Variants in CFAP43 observed in about 807,000 individuals in gnomAD.
CFAP43 encodes the protein cilia and flagella associated protein 43.
Under a neutral mutation model 218.9 loss-of-function variants are expected in CFAP43, and 155 were observed. The ratio of observed to expected loss-of-function variants is 0.71; its 90% CI spans 0.62 to 0.81. The LOEUF (loss-of-function observed/expected upper bound fraction) is 0.81, where lower values mean the gene tolerates loss of function less well. Ranked by LOEUF, CFAP43 falls within the 30% of genes least tolerant of loss-of-function variation. The pLI is 0.00. For missense variants in CFAP43, 1,778 were observed against 1,954.3 expected, an observed-to-expected ratio of 0.91 and a Z score of 1.70; for synonymous variants, 645 against 681.3, an observed-to-expected ratio of 0.95 and a Z score of 0.83.
chr10:104,191,012 A>T (rs2090192919), intron 12 of CFAP43, among the ~76,000 whole-genome samples: 1 of 152,226 alleles, frequency 6.6e-6, no homozygotes, highest in Non-Finnish European at 1.5e-5. Context: ...ACTGGCTACC[A>T]CATAGTCAGG....
chr10:104,199,617 G>A (rs1016028011), intron 8 of CFAP43, among the ~76,000 whole-genome samples: 1 of 149,080 alleles, frequency 6.7e-6, no homozygotes, highest in African/African-American at 2.5e-5. Flanking sequence ...AGAAGAAAAA[G>A]AAAATATAAC....
chr10:104,156,685 C>T (rs950891555), intron 27 of CFAP43, among the ~76,000 whole-genome samples: 1 of 152,066 alleles, frequency 6.6e-6, no homozygotes, highest in Admixed American at 6.6e-5. Flanking sequence ...CAGGGTGGCT[C>T]GGATGCCACA....
At chr10:104,214,593 T>C (rs2090962915) in intron 3 of CFAP43, among the ~76,000 whole-genome samples, 167 bp from the exon 4 acceptor site, 1 of 152,250 alleles carries the variant, frequency 6.6e-6, no homozygotes, top group African/African-American at 2.4e-5. Flanking sequence ...TATCATTGTA[T>C]TGTATCCTAA....
At chr10:104,221,141 ATTTTTGTATT>A (rs1337862410) in intron 3 of CFAP43, among the ~76,000 whole-genome samples, 1 of 151,984 alleles carries the variant, frequency 6.6e-6, no homozygotes, top group East Asian at 1.9e-4. Flanking sequence ...ACTCTGGCTA[ATTTTTGTATT>A]TTTAGTAGAG....
At position 104,225,477 on chromosome 10, in the gene CFAP43, A is replaced by G; in HGVS notation, c.400T>C (p.Phe134Leu). The G allele has an allele frequency of 6.2e-7, 1 of 1,611,900 alleles. No homozygotes were observed. Among genetic ancestry groups the G allele is most frequent in the Non-Finnish European group, 8.5e-7 (1 of 1,178,694 alleles). ...YLASYSSLPE[F>L]ELALWNWESS... ...GAAACTTACCAAAGGGCCAGTTCAA[A>G]TTCTGGGAGAGAGGAGTAACTAGCC... The change falls in exon 3 of 38, where the codon TTT becomes CTT. Residue 134 changes from phenylalanine to leucine, a missense_variant. This residue lies in a region of CFAP43 where 1,553 missense variants were observed against 1,685.2 expected (regional missense o/e 0.92). Transcript: ENST00000357060.
At chr10:104,178,047 T>C (rs2134865191) in intron 19 of CFAP43, among the ~76,000 whole-genome samples, 1 of 152,296 alleles carries the variant, frequency 6.6e-6, no homozygotes, top group East Asian at 1.9e-4. Flanking sequence ...TTATAAAGGA[T>C]GTTCCCAAGC....
chr10:104,203,607 G>C, intron 8 of CFAP43, 65 bp downstream of exon 8: 1 of 1,463,868 alleles, frequency 6.8e-7, no homozygotes. Context: ...CCTCATTCCT[G>C]TCATGTAATG....
intron 32 of CFAP43, 64 bp downstream of exon 32, chr10:104,143,362 C>T: frequency 7.1e-7 from 1 of 1,413,030 alleles, no homozygotes; most frequent in Non-Finnish European, 9.6e-7. Context: ...TTACACTGAC[C>T]AATGTAAACT....
rs753646028 is a variant in CFAP43, at chr10:104,230,707, C to T, written c.202G>A (p.Val68Met). ...GGGATGTTAGTTGCCATGACGCCCA[C>T]AATTCCATTACTACACTGCAGTACA... is the stretch of plus-strand genomic sequence containing the variant. ...KTVLQCSNGI[V>M]GVMATNIPCE... Residue 68 changes from valine to methionine, a missense_variant, in exon 2 of 38, where the codon GTG becomes ATG. Coordinates refer to ENST00000357060, the MANE Select transcript of CFAP43 (RefSeq NM_025145.7). 1 of 1,614,052 alleles carries T rather than the reference C, an allele frequency of 6.2e-7. No homozygotes were observed. Among genetic ancestry groups the T allele is most frequent in the Non-Finnish European group, 8.5e-7 (1 of 1,180,016 alleles).
intron 34 of CFAP43, among the ~76,000 whole-genome samples, chr10:104,134,701 T>C (rs549348724): frequency 1.7e-4 from 26 of 152,166 alleles, no homozygotes; most frequent in Admixed American, 3.3e-4. Flanking sequence ...AAAATTTTAA[T>C]AGACCTAAAA....
intron 8 of CFAP43, among the ~76,000 whole-genome samples, chr10:104,203,259 A>G (rs1171682225): frequency 6.6e-6 from 1 of 152,210 alleles, no homozygotes; most frequent in African/African-American, 2.4e-5. Context: ...CAATGAGTCT[A>G]GATTCCAAGA....
At position 104,196,856 on chromosome 10, in the gene CFAP43, G is replaced by C; in HGVS notation, c.1290C>G (p.Thr430=). The change falls in exon 10 of 38, where the codon ACC becomes ACG. Residue 430 remains threonine (T), a synonymous_variant. Transcript: ENST00000357060. ...CACVSKIYLN[T]LATVLACCPS... ...TCCATTTATCAAGTATACTTACTAG[G>C]GTATTCAGATAAATCTTGCTTACAC... 2 of 1,606,498 alleles carry C rather than the reference G, an allele frequency of 1.2e-6. No individual in the cohort carries two copies. Among genetic ancestry groups the C allele is most frequent in the South Asian group, 1.1e-5 (1 of 90,012 alleles).
intron 28 of CFAP43, among the ~76,000 whole-genome samples, chr10:104,152,107 A>G (rs2088289151): frequency 6.6e-6 from 1 of 152,140 alleles, no homozygotes; most frequent in African/African-American, 2.4e-5. Flanking sequence ...TTCATTCAAC[A>G]TACACTTTGA....
Position 104,212,105 on chromosome 10 carries a change from C to T in CFAP43, c.637G>A (p.Val213Ile), listed in dbSNP as rs757395054. ...TCTTTCGGCAACGACTGGGGGAAAA[C>T]GACATCCGTTTCATTAAAAAATGAC... ...DGSFFNETDV[V>I]FPQSLPKDLI... The change falls in exon 5 of 38, where the codon GTT becomes ATT. Residue 213 changes from valine (V) to isoleucine (I), a missense_variant. Transcript: ENST00000357060. 5.0e-6 allele frequency: 8 copies of T among 1,613,936 alleles called. No homozygotes were observed. The highest frequency in any genetic ancestry group is 4.0e-5 in the African/African-American group (3 of 75,000).
At chr10:104,178,900 C>A in intron 19 of CFAP43, 129 bp downstream of exon 19, 1 of 589,238 alleles carries the variant, frequency 1.7e-6, no homozygotes, top group Middle Eastern at 4.7e-4. Context: ...TGTTAAAGAA[C>A]CTCAGAAAAC....
At chr10:104,230,449 G>T in intron 2 of CFAP43, 141 bp downstream of exon 2, 1 of 1,119,392 alleles carries the variant, frequency 8.9e-7, no homozygotes, top group Non-Finnish European at 1.2e-6. Flanking sequence ...TAGGCAACAG[G>T]GCAAAACTCC....
At chr10:104,146,140 A>G (rs1413249149) in intron 30 of CFAP43, 123 bp downstream of exon 30, 1 of 690,498 alleles carries the variant, frequency 1.4e-6, no homozygotes, top group Non-Finnish European at 2.4e-6. Context: ...GTTCACCCAT[A>G]GCTGAGAATT....
chr10:104,141,804 T>G (rs180891291), intron 33 of CFAP43, among the ~76,000 whole-genome samples: 11 of 152,166 alleles, frequency 7.2e-5, no homozygotes, highest in Non-Finnish European at 1.6e-4. Flanking sequence ...AGAGAAGTAT[T>G]TATCGATGAG....
intron 35 of CFAP43, 88 bp from the exon 36 acceptor site, chr10:104,132,284 T>A (rs1174233817): frequency 1.0e-6 from 1 of 996,628 alleles, no homozygotes; most frequent in East Asian, 2.5e-5. Flanking sequence ...TGAAAGTTAC[T>A]GTTTTTCATA....
Sources: gnomAD v4.1 joint callset for allele counts (sites outside exome capture counted in the v4.1 genomes callset) on GRCh38, gnomAD v4.1.1 for gene constraint, gnomAD v4.1.1 regional missense constraint, MANE v1.5 for transcripts, NCBI Gene and HGNC (gene_info 2026-07-23, HGNC 2026-07-21) for gene names.